Variants in CAMKK2 observed in about 807,000 individuals in gnomAD.
CAMKK2 encodes the protein calcium/calmodulin dependent protein kinase kinase 2, also known as calcium/calmodulin-dependent protein kinase kinase 2.
Under a neutral mutation model 67.2 loss-of-function variants are expected in CAMKK2, and 30 were observed. The ratio of observed to expected loss-of-function variants is 0.45; its 90% CI spans 0.33 to 0.61. The LOEUF is 0.61. Ranked by LOEUF, CAMKK2 falls within the 20% of genes least tolerant of loss-of-function variation. The probability of loss-of-function intolerance (pLI) is 0.02; values close to 1 mark genes in which losing one functional copy is unlikely to be tolerated. For synonymous variants in CAMKK2, 322 were observed against 326.2 expected (o/e 0.99, Z 0.14); for missense variants, 643 against 802.0 (o/e 0.80, Z 2.39).
chr12:121,281,149 G>A (rs1384642159), intron 1 of CAMKK2, among the ~76,000 whole-genome samples: 3 of 152,188 alleles, frequency 2.0e-5, no homozygotes, highest in South Asian at 2.1e-4. Context: ...CAAGCCAGCC[G>A]ACGCTTAGGA....
At chr12:121,255,238 ATATATATATAAT>A (rs1891716728) in intron 9 of CAMKK2, among the ~76,000 whole-genome samples, 1 of 9,882 alleles carries the variant, frequency 1.0e-4, no homozygotes, top group African/African-American at 3.2e-4. Flanking sequence ...ATATAATTTT[ATATATATATAAT>A]TATATATATA....
chr12:121,240,745 G>T lies in CAMKK2; in HGVS notation c.1721C>A (p.Ala574Glu). The T allele has an allele frequency of 6.2e-7, 1 of 1,609,050 alleles. No homozygotes were observed. Among genetic ancestry groups the T allele is most frequent in the East Asian group, 2.2e-5 (1 of 44,864 alleles). Residue 574 changes from alanine to glutamate, a missense_variant, in exon 17 of 17, where the codon GCA becomes GAA. This residue lies in a region of CAMKK2 where 140 missense variants were observed against 124.2 expected (regional missense o/e 1.13). Transcript: ENST00000404169. The surrounding 1 kb of genome is among the most constrained non-coding windows in gnomAD (Gnocchi z 4.4). ...CTCCGGCCGCAGTGGATGCATGCGT[G>T]CGGGGGAGCCGGGGGCGGGGGCCCA... Reference protein sequence around the residue: ...SCWAPAPGSPARMHPLRPEEA... With the variant: ...SCWAPAPGSPERMHPLRPEEA...
Position 121,253,369 on chromosome 12 carries a change from G to C in CAMKK2, c.1011C>G (p.Phe337Leu). 1 of 1,614,180 alleles carries C rather than the reference G, an allele frequency of 6.2e-7. No homozygotes were observed. The highest frequency in any genetic ancestry group is 8.5e-7 in the Non-Finnish European group (1 of 1,180,032). Residue 337 changes from phenylalanine (F) to leucine (L), a missense_variant, in exon 10 of 17, where the codon TTC becomes TTG. Transcript: ENST00000404169. This position sits in a 1 kb window ranked among gnomAD's most constrained non-coding sequence, Gnocchi z 5.0. ...KIADFGVSNEFKGSDALLSNT... is the reference protein window; with the variant it reads ...KIADFGVSNELKGSDALLSNT... ...TGGAGAGGAGCGCGTCACTGCCCTT[G>C]AATTCATTGCTCACACCAAAGTCAG...
At chr12:121,296,714 G>C (rs1901331570), upstream of CAMKK2, 1 of 147,968 alleles carries the variant, frequency 6.8e-6, no homozygotes, top group Admixed American at 6.7e-5. The surrounding 1 kb of genome is among the most constrained non-coding windows in gnomAD (Gnocchi z 7.1). Flanking sequence ...TGCTCTGCGC[G>C]GCCGCGCGCT....
At chr12:121,269,465 T>G (rs1895290235) in intron 4 of CAMKK2, 63 bp downstream of exon 4, 2 of 1,286,288 alleles carry the variant, frequency 1.6e-6, no homozygotes, top group South Asian at 1.3e-5. Flanking sequence ...GGAAGCTGAG[T>G]GCTGGAAAGG....
chr12:121,273,055 T>C (rs936210039), intron 2 of CAMKK2, among the ~76,000 whole-genome samples: 1 of 152,094 alleles, frequency 6.6e-6, no homozygotes, highest in Non-Finnish European at 1.5e-5. Context: ...GGAGCTTACG[T>C]TCTGGCTGGG....
At chr12:121,277,903 G>T (rs529143899) in intron 1 of CAMKK2, among the ~76,000 whole-genome samples, 9 of 152,186 alleles carry the variant, frequency 5.9e-5, no homozygotes, top group Non-Finnish European at 1.3e-4. Context: ...GGAGGCACAG[G>T]TTGCAGTGAG....
chr12:121,255,318 A>T lies in CAMKK2; in HGVS notation c.907+232T>A, dbSNP rs1566059626. 2.0e-4 allele frequency among the ~76,000 whole-genome samples: 4 copies of T among 19,518 alleles called. 1 individual carries two copies. The highest frequency in any genetic ancestry group is 1.4e-3 in the African/African-American group (4 of 2,862). 12.8% of individuals were successfully genotyped at this position (19,518 alleles called of 152,430 possible). A position where few individuals can be genotyped will look rare whatever the true frequency, so the allele number is the denominator to read the frequency against. ...TATATATAATTTTATATATAATTTT[A>T]TATATATATAATTATATATAATTTT... is the stretch of plus-strand genomic sequence containing the variant. On this transcript the variant is annotated intron_variant, in intron 9 of 16. Transcript: ENST00000404169.
At chr12:121,244,161 T>C in intron 16 of CAMKK2, 1 of 1,606,118 alleles carries the variant, frequency 6.2e-7, no homozygotes, top group Non-Finnish European at 8.5e-7. Context: ...AAGTGGAGGC[T>C]GGAGAGCCCC....
intron 11 of CAMKK2, 112 bp from the exon 12 acceptor site, chr12:121,250,146 C>T: frequency 4.7e-6 from 4 of 844,368 alleles, no homozygotes; most frequent in Non-Finnish European, 7.7e-6. Flanking sequence ...TCAACAATTG[C>T]GGCCCAGGCT....
chr12:121,267,816 C>T (rs533798843), intron 5 of CAMKK2, among the ~76,000 whole-genome samples: 6 of 151,876 alleles, frequency 4.0e-5, no homozygotes, highest in Non-Finnish European at 8.8e-5. Flanking sequence ...TTTTCAATGC[C>T]TCCCTAAATA....
intron 1 of CAMKK2, among the ~76,000 whole-genome samples, chr12:121,278,724 G>A (rs922724745): frequency 6.6e-5 from 10 of 152,230 alleles, no homozygotes; most frequent in African/African-American, 2.4e-4. Flanking sequence ...CCAGCCAAGT[G>A]GAACTATAAG....
chr12:121,250,219 C>T (rs1025180435), intron 11 of CAMKK2, among the ~76,000 whole-genome samples, 185 bp from the exon 12 acceptor site: 40 of 152,058 alleles, frequency 2.6e-4, no homozygotes, highest in African/African-American at 9.4e-4. Context: ...GGGGCCTGGC[C>T]GACGCAGGGC....
At position 121,252,639 on chromosome 12, in the gene CAMKK2, GA is replaced by G. The variant is rs1330667161; in HGVS notation, c.1161+21del. On this transcript the variant is annotated intron_variant, in intron 11 of 16. Coordinates refer to ENST00000404169, the MANE Select transcript of CAMKK2 (RefSeq NM_001270485.2). Reference sequence around the variant, plus strand: ...AGGGGCCACCCAGCAGTACTGAGGGGACAGACACCCCGCCCTCTTACCTGGC... The same window carrying G: ...AGGGGCCACCCAGCAGTACTGAGGGGCAGACACCCCGCCCTCTTACCTGGC... 5 of 1,612,544 alleles carry G rather than the reference GA, an allele frequency of 3.1e-6. No homozygotes were observed. In the African/African-American group the frequency reaches 5.3e-5, roughly 17 times the overall value.
At chr12:121,252,744 A>C in intron 10 of CAMKK2, 30 bp from the exon 11 acceptor site, 1 of 1,611,854 alleles carries the variant, frequency 6.2e-7, no homozygotes. Context: ...GTGTGAGGGC[A>C]TAAGGGGTGG....
chr12:121,265,341 A>G (rs2136341652), intron 5 of CAMKK2, among the ~76,000 whole-genome samples: 1 of 146,370 alleles, frequency 6.8e-6, no homozygotes, highest in Admixed American at 7.0e-5. Flanking sequence ...CACGCGTCAT[A>G]TAGCTGGAGA....
At chr12:121,247,020 A>C (rs764558728) in intron 14 of CAMKK2, among the ~76,000 whole-genome samples, 3 of 152,066 alleles carry the variant, frequency 2.0e-5, no homozygotes, top group Non-Finnish European at 4.4e-5. Flanking sequence ...CCCTGGTTCA[A>C]ACCCTGATTC....
rs749337315 is a variant in CAMKK2 at position 121,240,730 on chromosome 12, A to G, written c.1736T>C (p.Leu579Pro). Residue 579 changes from leucine (L) to proline (P), a missense_variant, in exon 17 of 17, where the codon CTG becomes CCG. Physicochemically the swap from Leu to Pro is moderately conservative, Grantham distance 98. This residue lies in a region of CAMKK2 where 140 missense variants were observed against 124.2 expected (regional missense o/e 1.13). Coordinates refer to ENST00000404169, the MANE Select transcript of CAMKK2 (RefSeq NM_001270485.2). This position sits in a 1 kb window ranked among gnomAD's most constrained non-coding sequence, Gnocchi z 4.4. ...GGGCTCCATGGCCTCCTCCGGCCGCAGTGGATGCATGCGTGCGGGGGAGCC... is the reference window on the plus strand; with the variant it reads ...GGGCTCCATGGCCTCCTCCGGCCGCGGTGGATGCATGCGTGCGGGGGAGCC... ...APGSPARMHP[L>P]RPEEAMEPE The G allele has an allele frequency of 1.3e-5, 21 of 1,608,058 alleles. No homozygotes were observed. The Admixed American group carries it at 2.9e-4, about 22-fold the overall frequency.
In CAMKK2 at chr12:121,253,320, T is replaced by C. The variant is rs1891165800; in HGVS notation, c.1060A>G (p.Met354Val). The part of the protein sequence containing the change: ...LSNTVGTPAF[M>V]APESLSETRK... ...GTCTCAGAGAGCGACTCGGGTGCCATGAAGGCGGGCGTGCCCACGGTGTTG... is the reference window on the plus strand; with the variant it reads ...GTCTCAGAGAGCGACTCGGGTGCCACGAAGGCGGGCGTGCCCACGGTGTTG... The change falls in exon 10 of 17, where the codon ATG becomes GTG. Residue 354 changes from methionine to valine, a missense_variant. This residue lies in a region of CAMKK2 where 483 missense variants were observed against 625.8 expected (regional missense o/e 0.77). Coordinates refer to ENST00000404169, the MANE Select transcript of CAMKK2 (RefSeq NM_001270485.2). The surrounding 1 kb of genome is among the most constrained non-coding windows in gnomAD (Gnocchi z 5.0). 1 of 1,614,192 alleles carries C rather than the reference T, an allele frequency of 6.2e-7. No individual in the cohort carries two copies. The highest frequency in any genetic ancestry group is 8.5e-7 in the Non-Finnish European group (1 of 1,180,036).
Sources: allele counts gnomAD v4.1 joint callset (sites outside exome capture counted in the v4.1 genomes callset), GRCh38; gene constraint gnomAD v4.1.1; regional missense constraint gnomAD v4.1.1; non-coding constraint Gnocchi (gnomAD v3.1); transcripts MANE v1.5; gene names NCBI Gene and HGNC (gene_info 2026-07-23, HGNC 2026-07-21).